DGCR2: variants seen among roughly 807,000 people sequenced by gnomAD.
The protein encoded by DGCR2 is integral membrane protein DGCR2/IDD.
DGCR2 carries 24 observed loss-of-function variants against 51.6 expected under a neutral mutation model. The observed-to-expected ratio is 0.47, with a 90% confidence interval of 0.34 to 0.65. The LOEUF (loss-of-function observed/expected upper bound fraction) is 0.65. DGCR2 is among the 30% of genes least tolerant of loss of function. The pLI is 0.01. For synonymous variants in DGCR2, 340 were observed against 315.4 expected (o/e 1.08, Z -0.82); for missense variants, 765 against 772.1 (o/e 0.99, Z 0.11).
At position 19,049,838 on chromosome 22, in the gene DGCR2, A is replaced by G. The variant is rs865850473; in HGVS notation, c.803-1195T>C. Among the ~76,000 whole-genome samples the G allele has an allele frequency of 7.2e-5, 11 of 152,176 alleles. 1 individual carries two copies. Among genetic ancestry groups the G allele is most frequent in the African/African-American group, 2.6e-4 (11 of 41,526 alleles). Reference sequence around the variant, plus strand: ...TGAGACTCTGTCTCAAAAAAAAAAAAAAAAAAAGATTGGGATCAAATCTAG... The same window carrying G: ...TGAGACTCTGTCTCAAAAAAAAAAAGAAAAAAAGATTGGGATCAAATCTAG... On this transcript the variant is annotated intron_variant, in intron 6 of 9. Coordinates refer to ENST00000263196, the MANE Select transcript of DGCR2 (RefSeq NM_005137.3).
At chr22:19,109,867 A>T (rs2083296299) in intron 1 of DGCR2, among the ~76,000 whole-genome samples, 1 of 152,264 alleles carries the variant, frequency 6.6e-6, no homozygotes, top group South Asian at 2.1e-4. Context: ...AGTCCTAAGG[A>T]TAATATTACA....
At chr22:19,062,720 C>T (rs1203403877) in intron 5 of DGCR2, among the ~76,000 whole-genome samples, 1 of 151,632 alleles carries the variant, frequency 6.6e-6, no homozygotes, top group Non-Finnish European at 1.5e-5. Context: ...TTTACGTCGT[C>T]TTGGTATTTC....
chr22:19,084,788 C>A (rs1189157781), intron 2 of DGCR2, among the ~76,000 whole-genome samples: 1 of 132,836 alleles, frequency 7.5e-6, no homozygotes, highest in African/African-American at 3.1e-5. Context: ...CCCGGCCAGC[C>A]GCCCCGTCCG....
chr22:19,079,845 T>C (rs945264115), intron 2 of DGCR2, among the ~76,000 whole-genome samples: 1 of 152,246 alleles, frequency 6.6e-6, no homozygotes, highest in African/African-American at 2.4e-5. Flanking sequence ...CCTTCTGGTC[T>C]GGTGTGCTTT....
Position 19,041,800 on chromosome 22 carries a change from C to T in DGCR2, c.1159+7G>A. ...GACCAGGGTTGTGGCCCTCAGAGGG[C>T]ACTTACAGTTTGCTCCAATCAGGGA... On this transcript the variant is annotated splice_region_variant and intron_variant, in intron 8 of 9. Transcript: ENST00000263196. The T allele has an allele frequency of 6.2e-7, 1 of 1,610,680 alleles. No homozygotes were observed. Among genetic ancestry groups the T allele is most frequent in the African/African-American group, 1.3e-5 (1 of 74,994 alleles).
chr22:19,086,598 C>G (rs1225883994), intron 2 of DGCR2, among the ~76,000 whole-genome samples: 1 of 152,150 alleles, frequency 6.6e-6, no homozygotes, highest in Non-Finnish European at 1.5e-5. Flanking sequence ...GGGCAGTGGC[C>G]TCCTCAGCCC....
chr22:19,108,880 A>C (rs567014966), intron 1 of DGCR2, among the ~76,000 whole-genome samples: 3 of 151,942 alleles, frequency 2.0e-5, no homozygotes, highest in Non-Finnish European at 2.9e-5. Context: ...AAAATCAAAA[A>C]ATTAGCTGGG....
intron 2 of DGCR2, among the ~76,000 whole-genome samples, chr22:19,087,473 T>C (rs1309498922): frequency 6.6e-6 from 1 of 152,064 alleles, no homozygotes; most frequent in African/African-American, 2.4e-5. Flanking sequence ...CACTGCAACC[T>C]CTACCTCCTG....
intron 1 of DGCR2, among the ~76,000 whole-genome samples, chr22:19,091,143 G>A (rs754894178): frequency 2.6e-5 from 4 of 152,172 alleles, no homozygotes; most frequent in Admixed American, 6.5e-5. Context: ...AGGATCACTT[G>A]AGCCCAGGAG....
chr22:19,038,841 C>A lies in DGCR2; in HGVS notation c.*24G>T. On this transcript the variant is annotated 3_prime_UTR_variant, in exon 10 of 10. Coordinates refer to ENST00000263196, the MANE Select transcript of DGCR2 (RefSeq NM_005137.3). ...TCTACAACAGACAGGTGCTCCCAGA[C>A]CGTTGGGGTACAGGCCAGGCCGTCT... is the stretch of plus-strand genomic sequence containing the variant. The A allele has an allele frequency of 6.2e-7, 1 of 1,603,642 alleles. No homozygotes were observed. Among genetic ancestry groups the A allele is most frequent in the Non-Finnish European group, 8.5e-7 (1 of 1,173,604 alleles).
chr22:19,068,369 G>A (rs1411820424), intron 2 of DGCR2, 144 bp from the exon 3 acceptor site: 4 of 997,702 alleles, frequency 4.0e-6, no homozygotes, highest in South Asian at 4.8e-5. Flanking sequence ...TTTCTTTAGA[G>A]CCCTATGAAA....
chr22:19,118,210 T>G (rs971437805), intron 1 of DGCR2, among the ~76,000 whole-genome samples: 1 of 151,866 alleles, frequency 6.6e-6, no homozygotes, highest in Non-Finnish European at 1.5e-5. Flanking sequence ...CCGTCTCTAC[T>G]AAAAATACAA....
intron 5 of DGCR2, among the ~76,000 whole-genome samples, chr22:19,058,370 G>A (rs2082625584): frequency 6.6e-6 from 1 of 152,136 alleles, no homozygotes; most frequent in African/African-American, 2.4e-5. Context: ...ACCCACAGCA[G>A]AGCAGGAAAG....
chr22:19,084,915 C>T (rs2082997166), intron 2 of DGCR2, among the ~76,000 whole-genome samples: 1 of 152,248 alleles, frequency 6.6e-6, no homozygotes, highest in Admixed American at 6.5e-5. Flanking sequence ...GGCCACCACC[C>T]CATCTGGGAG....
chr22:19,044,972 A>G (rs1188619490), intron 7 of DGCR2, among the ~76,000 whole-genome samples: 3 of 146,676 alleles, frequency 2.0e-5, no homozygotes, highest in Non-Finnish European at 3.0e-5. Context: ...GAAGTTTTCA[A>G]TTTTGATGAA....
intron 6 of DGCR2, among the ~76,000 whole-genome samples, chr22:19,054,044 G>C (rs983890205): frequency 6.6e-6 from 1 of 152,210 alleles, no homozygotes; most frequent in African/African-American, 2.4e-5. Flanking sequence ...ATGACTAGAT[G>C]CAATGCATGA....
intron 3 of DGCR2, among the ~76,000 whole-genome samples, chr22:19,067,363 T>C (rs778067928): frequency 6.6e-6 from 1 of 152,142 alleles, no homozygotes; most frequent in East Asian, 1.9e-4. Flanking sequence ...TTCAATGTCA[T>C]AGGTAATTTA....
chr22:19,120,796 T>G (rs959000281), intron 1 of DGCR2, among the ~76,000 whole-genome samples: 3 of 152,210 alleles, frequency 2.0e-5, no homozygotes, highest in Non-Finnish European at 4.4e-5. Context: ...AACCCATTGG[T>G]TCTGACCTCC....
intron 2 of DGCR2, among the ~76,000 whole-genome samples, chr22:19,086,071 C>T (rs1056050364): frequency 1.4e-4 from 21 of 152,060 alleles, no homozygotes; most frequent in African/African-American, 5.1e-4. Context: ...GAAAAAAAAT[C>T]ACAAGATTTA....
Sources: gnomAD v4.1 joint callset for allele counts (sites outside exome capture counted in the v4.1 genomes callset) on GRCh38, gnomAD v4.1.1 for gene constraint, MANE v1.5 for transcripts, NCBI Gene and HGNC (gene_info 2026-07-23, HGNC 2026-07-21) for gene names.